The following LGSN variants were observed in gnomAD, a reference collection of about 807,000 sequenced individuals.
The protein encoded by LGSN is lengsin.
Under a neutral mutation model 19.5 loss-of-function variants are expected in LGSN, and 21 were observed. That is an observed-to-expected ratio of 1.07 (90% CI 0.76 to 1.55). LGSN has a LOEUF of 1.55. Ranked by LOEUF, LGSN falls within the 40% of genes most tolerant of loss-of-function variation. The pLI is 0.00. For synonymous variants in LGSN, 257 were observed against 215.6 expected, an observed-to-expected ratio of 1.19 and a Z score of -1.68; for missense variants, 673 against 608.5, an observed-to-expected ratio of 1.11 and a Z score of -1.12.
At position 63,279,767 on chromosome 6, in the gene LGSN, G is replaced by C. The variant is rs1224666489; in HGVS notation, c.*254C>G. On this transcript the variant is annotated 3_prime_UTR_variant, in exon 4 of 4. Coordinates refer to ENST00000370657, the MANE Select transcript of LGSN (RefSeq NM_016571.3). The stretch of plus-strand genomic sequence containing the variant: ...CTTATCCAGGTCAACATACACATAG[G>C]AAATGACTGACAAGATCTGGTAAGT... The C allele has an allele frequency of 3.1e-6, 1 of 319,546 alleles. No homozygotes were observed. The highest frequency in any genetic ancestry group is 5.7e-6 in the Non-Finnish European group (1 of 174,416). The allele number at this position is 319,546 out of a possible 1,614,324, so 19.8% of individuals were successfully genotyped here.
At chr6:63,298,212 T>G (rs1490770647) in intron 1 of LGSN, among the ~76,000 whole-genome samples, 1 of 152,232 alleles carries the variant, frequency 6.6e-6, no homozygotes, top group Non-Finnish European at 1.5e-5. Context: ...CCATTGTATC[T>G]GTTGCTCTCT....
the LGSN span, among the ~76,000 whole-genome samples, chr6:63,511,218 G>T: frequency 3.3e-5 from 5 of 151,706 alleles, no homozygotes; most frequent in African/African-American, 1.2e-4. Context: ...CCCTACTCTA[G>T]GTCAAGCTTA....
chr6:63,529,191 G>GTA, the LGSN span, among the ~76,000 whole-genome samples: 119 of 141,818 alleles, frequency 8.4e-4, no homozygotes, highest in African/African-American at 1.8e-3. Context: ...ATATATGTGT[G>GTA]TATATATATA....
the LGSN span, among the ~76,000 whole-genome samples, chr6:63,563,839 C>T: frequency 6.6e-6 from 1 of 152,056 alleles, no homozygotes; most frequent in African/African-American, 2.4e-5. Flanking sequence ...AGACTAAGAA[C>T]CCTGCAAAGA....
intron 2 of LGSN, among the ~76,000 whole-genome samples, chr6:63,289,048 T>C (rs565764236): frequency 2.0e-5 from 3 of 152,350 alleles, no homozygotes; most frequent in African/African-American, 7.2e-5. Flanking sequence ...ACTCACATGT[T>C]CCTGTCATTC....
At chr6:63,353,202 T>C in the LGSN span, among the ~76,000 whole-genome samples, 1 of 152,154 alleles carries the variant, frequency 6.6e-6, no homozygotes, top group South Asian at 2.1e-4. Context: ...GAGGCGCTGC[T>C]TTTTAACAGC....
At chr6:63,540,811 A>G in the LGSN span, among the ~76,000 whole-genome samples, 1 of 151,622 alleles carries the variant, frequency 6.6e-6, no homozygotes, top group Non-Finnish European at 1.5e-5. Context: ...ACTAGGACCA[A>G]AATGGTGAAA....
the LGSN span, among the ~76,000 whole-genome samples, chr6:63,352,638 C>G: frequency 1.3e-3 from 199 of 149,018 alleles, no homozygotes; most frequent in Non-Finnish European, 2.3e-3. Context: ...TCCAGTCTGT[C>G]TCTCTCTCTC....
chr6:63,326,554 A>G, the LGSN span, among the ~76,000 whole-genome samples: 1 of 151,980 alleles, frequency 6.6e-6, no homozygotes, highest in Non-Finnish European at 1.5e-5. Flanking sequence ...AGGAGGTGGG[A>G]GGCTCAGGCA....
chr6:63,338,693 T>C, the LGSN span, among the ~76,000 whole-genome samples: 449 of 152,234 alleles, frequency 2.9e-3, 3 homozygotes, highest in African/African-American at 0.01. Context: ...TTTCATTCTG[T>C]TCTGATATTT....
At chr6:63,493,951 CT>C in the LGSN span, among the ~76,000 whole-genome samples, 116 of 137,776 alleles carry the variant, frequency 8.4e-4, no homozygotes, top group East Asian at 1.1e-3. Context: ...GAAATCATTT[CT>C]TTTTTTTTTT....
chr6:63,360,189 C>T, the LGSN span, among the ~76,000 whole-genome samples: 25 of 152,214 alleles, frequency 1.6e-4, no homozygotes, highest in African/African-American at 5.3e-4. Flanking sequence ...CTCTGCATTT[C>T]CTGAATTTGA....
At chr6:63,473,192 G>GC in the LGSN span, among the ~76,000 whole-genome samples, 1 of 151,782 alleles carries the variant, frequency 6.6e-6, no homozygotes, top group Non-Finnish European at 1.5e-5. Flanking sequence ...CTTTTAGTAG[G>GC]CCAGGCGCAG....
chr6:63,466,142 C>T, the LGSN span, among the ~76,000 whole-genome samples: 1 of 152,346 alleles, frequency 6.6e-6, no homozygotes, highest in South Asian at 2.1e-4. Context: ...TCAAGAGATC[C>T]TTCTGCCTTG....
intron 1 of LGSN, among the ~76,000 whole-genome samples, chr6:63,295,486 T>G (rs1289705661): frequency 6.6e-6 from 1 of 152,168 alleles, no homozygotes; most frequent in Non-Finnish European, 1.5e-5. Flanking sequence ...CTCTGCTCTC[T>G]TTTTCCTTAT....
the LGSN span, among the ~76,000 whole-genome samples, chr6:63,345,281 CT>C: frequency 6.6e-6 from 1 of 152,094 alleles, no homozygotes; most frequent in African/African-American, 2.4e-5. Flanking sequence ...TTTATTTCTT[CT>C]CTTTTACTTT....
At chr6:63,359,523 T>C in the LGSN span, among the ~76,000 whole-genome samples, 1 of 152,210 alleles carries the variant, frequency 6.6e-6, no homozygotes, top group Admixed American at 6.5e-5. Context: ...CTGTTATCGG[T>C]CTATTCAGAG....
chr6:63,381,507 A>G, the LGSN span, among the ~76,000 whole-genome samples: 1 of 152,238 alleles, frequency 6.6e-6, no homozygotes, highest in African/African-American at 2.4e-5. Flanking sequence ...TCTTATGAAA[A>G]GTAATATCAA....
the LGSN span, among the ~76,000 whole-genome samples, chr6:63,513,660 C>CA: frequency 6.6e-6 from 1 of 152,014 alleles, no homozygotes; most frequent in Non-Finnish European, 1.5e-5. Flanking sequence ...CCTGTAATCC[C>CA]AGCACTTTGA....
Sources: gnomAD v4.1 joint callset for allele counts (sites outside exome capture counted in the v4.1 genomes callset) on GRCh38, gnomAD v4.1.1 for gene constraint, MANE v1.5 for transcripts, NCBI Gene and HGNC (gene_info 2026-07-23, HGNC 2026-07-21) for gene names.